Variants in DCAF12 observed in about 807,000 individuals in gnomAD.
DCAF12 encodes DDB1 and CUL4 associated factor 12, also known as DDB1- and CUL4-associated factor 12.
DCAF12 carries 28 observed loss-of-function variants against 52.8 expected under a neutral mutation model. That is an observed-to-expected ratio of 0.53 (90% CI 0.39 to 0.73). DCAF12 has a LOEUF of 0.73. DCAF12 is among the 30% of genes least tolerant of loss of function. The pLI is 0.00. For missense variants in DCAF12, 425 were observed against 552.2 expected (o/e 0.77, Z 2.31); for synonymous variants, 196 against 215.5 (o/e 0.91, Z 0.79).
At chr9:34,098,618 C>T (rs1047778167) in intron 4 of DCAF12, 101 bp from the exon 5 acceptor site, 4 of 1,282,236 alleles carry the variant, frequency 3.1e-6, no homozygotes, top group Admixed American at 2.4e-5. Flanking sequence ...GTTTGTGCAT[C>T]ATCCTCATAT....
rs1251042224 is a variant in DCAF12, at chr9:34,086,688, T to C, written c.*1662A>G. On this transcript the variant is annotated 3_prime_UTR_variant, in exon 9 of 9. Coordinates refer to ENST00000361264, the MANE Select transcript of DCAF12 (RefSeq NM_015397.4). Reference sequence around the variant, plus strand: ...TCCCTGTTTATAGCACCTATTTCTCTAGGTTCGAAGATGAGAATTCCAGAA... The same window carrying C: ...TCCCTGTTTATAGCACCTATTTCTCCAGGTTCGAAGATGAGAATTCCAGAA... The C allele has an allele frequency of 1.3e-5, 2 of 152,236 alleles. No homozygotes were observed. Among genetic ancestry groups the C allele is most frequent in the Non-Finnish European group, 2.9e-5 (2 of 68,054 alleles). The allele number at this position is 152,236 out of a possible 1,614,324, so 9.4% of individuals were successfully genotyped here. A position where few individuals can be genotyped will look rare whatever the true frequency, so the allele number is the denominator to read the frequency against.
At chr9:34,106,268 C>A (rs1828902362) in intron 4 of DCAF12, among the ~76,000 whole-genome samples, 166 bp downstream of exon 4, 1 of 151,958 alleles carries the variant, frequency 6.6e-6, no homozygotes, top group South Asian at 2.1e-4. Context: ...AATTTAAATT[C>A]TTGGGCTCAA....
chr9:34,106,638 AC>A (rs1269127725), intron 3 of DCAF12, 144 bp from the exon 4 acceptor site: 1 of 632,148 alleles, frequency 1.6e-6, no homozygotes, highest in African/African-American at 1.8e-5. Context: ...GGTGGTCTCA[AC>A]CCACAGAGAA....
At chr9:34,121,849 G>A (rs996331313) in intron 2 of DCAF12, among the ~76,000 whole-genome samples, 3 of 152,052 alleles carry the variant, frequency 2.0e-5, no homozygotes, top group Non-Finnish European at 2.9e-5. Flanking sequence ...AGGCTGAGGC[G>A]GGAGAATCGA....
chr9:34,108,714 A>C (rs554470108), intron 2 of DCAF12, among the ~76,000 whole-genome samples: 14 of 150,952 alleles, frequency 9.3e-5, no homozygotes, highest in East Asian at 3.9e-4. Flanking sequence ...TGAACCGAGG[A>C]GGCGGAGGTT....
intron 4 of DCAF12, among the ~76,000 whole-genome samples, chr9:34,106,233 C>T (rs987535432): frequency 4.6e-5 from 7 of 152,036 alleles, no homozygotes; most frequent in African/African-American, 1.7e-4. Flanking sequence ...TCTGGGACAA[C>T]AAGTATGCAG....
At chr9:34,102,149 C>T (rs1020270978) in intron 4 of DCAF12, among the ~76,000 whole-genome samples, 5 of 151,606 alleles carry the variant, frequency 3.3e-5, no homozygotes, top group African/African-American at 1.2e-4. Context: ...ATTAGCCAGG[C>T]ATGGTGGCGC....
At chr9:34,112,839 G>C (rs1349976083) in intron 2 of DCAF12, among the ~76,000 whole-genome samples, 1 of 151,674 alleles carries the variant, frequency 6.6e-6, no homozygotes, top group East Asian at 2.0e-4. Context: ...CAGAGGTTGA[G>C]GTAAGCTGAG....
At chr9:34,108,995 T>C (rs1201872669) in intron 2 of DCAF12, among the ~76,000 whole-genome samples, 5 of 93,032 alleles carry the variant, frequency 5.4e-5, no homozygotes, top group African/African-American at 1.4e-4. Context: ...TATATATATA[T>C]ATATATATGG....
At chr9:34,120,516 C>G (rs1829155603) in intron 2 of DCAF12, among the ~76,000 whole-genome samples, 3 of 151,154 alleles carry the variant, frequency 2.0e-5, no homozygotes, top group Admixed American at 1.3e-4. Context: ...ACTAAAAATA[C>G]AAAAATTGGC....
intron 4 of DCAF12, among the ~76,000 whole-genome samples, chr9:34,098,800 G>A (rs1376228284): frequency 2.0e-5 from 3 of 151,930 alleles, no homozygotes; most frequent in Admixed American, 2.0e-4. Flanking sequence ...ACAGAGTCTC[G>A]CTTTGTCACC....
At chr9:34,109,830 T>C in intron 2 of DCAF12, 1 of 328,018 alleles carries the variant, frequency 3.0e-6, no homozygotes. Context: ...GCTTTAGGGG[T>C]CGGAAGCAGA....
At chr9:34,108,018 C>G (rs1378528468) in intron 2 of DCAF12, among the ~76,000 whole-genome samples, 1 of 152,154 alleles carries the variant, frequency 6.6e-6, no homozygotes, top group Non-Finnish European at 1.5e-5. Flanking sequence ...ACTAAGTTTT[C>G]TGGAATGACC....
intron 2 of DCAF12, among the ~76,000 whole-genome samples, chr9:34,111,105 C>T (rs56157435): frequency 0.38 from 57,400 of 150,964 alleles, 11,225 homozygotes; most frequent in Non-Finnish European, 0.41. Context: ...CCTGCTTCAG[C>T]CCTCCGAGCA....
chr9:34,108,741 G>C (rs892427524), intron 2 of DCAF12, among the ~76,000 whole-genome samples: 22 of 150,378 alleles, frequency 1.5e-4, no homozygotes, highest in African/African-American at 5.1e-4. Flanking sequence ...AGCCGGGATC[G>C]AGCCACTGCA....
chr9:34,099,883 C>T (rs1445166450), intron 4 of DCAF12, among the ~76,000 whole-genome samples: 1 of 152,178 alleles, frequency 6.6e-6, no homozygotes, highest in African/African-American at 2.4e-5. Context: ...TAAGCCAGTG[C>T]ACCTGGCCAA....
chr9:34,122,418 C>CT (rs1205358043), intron 2 of DCAF12, among the ~76,000 whole-genome samples: 1 of 151,856 alleles, frequency 6.6e-6, no homozygotes, highest in Non-Finnish European at 1.5e-5. Context: ...AAATCTGTTC[C>CT]TTAACATTCA....
intron 2 of DCAF12, among the ~76,000 whole-genome samples, chr9:34,115,107 A>C (rs1829064244): frequency 6.6e-6 from 1 of 152,160 alleles, no homozygotes; most frequent in Non-Finnish European, 1.5e-5. Flanking sequence ...AAGACACACT[A>C]TGTTGCAGTC....
At chr9:34,119,591 T>C (rs1231800254) in intron 2 of DCAF12, among the ~76,000 whole-genome samples, 1 of 152,176 alleles carries the variant, frequency 6.6e-6, no homozygotes, top group Non-Finnish European at 1.5e-5. Flanking sequence ...CCAATTATTA[T>C]CTTGTTAAAA....
Sources: gnomAD v4.1 joint callset for allele counts (sites outside exome capture counted in the v4.1 genomes callset) on GRCh38, gnomAD v4.1.1 for gene constraint, MANE v1.5 for transcripts, NCBI Gene and HGNC (gene_info 2026-07-23, HGNC 2026-07-21) for gene names.